Variants in XRCC1 observed in about 807,000 individuals in gnomAD.
XRCC1 encodes the protein X-ray repair cross complementing 1, also known as DNA repair protein XRCC1.
In XRCC1, 52 loss-of-function variants were observed where a neutral mutation model predicts 83.3. The observed-to-expected ratio is 0.62, with a 90% CI of 0.50 to 0.79. The LOEUF (loss-of-function observed/expected upper bound fraction) is 0.79. Among genes scored for constraint, XRCC1 ranks in the 30% least tolerant of loss-of-function variants. The probability of loss-of-function intolerance (pLI) is 0.00; values close to 1 mark genes in which losing one functional copy is unlikely to be tolerated. For synonymous variants in XRCC1, 281 were observed against 312.6 expected (o/e 0.90, Z 1.07); for missense variants, 793 against 823.5 (o/e 0.96, Z 0.45).
At chr19:43,548,780 A>AAAAATAAAAAT (rs1568512434) in intron 10 of XRCC1, among the ~76,000 whole-genome samples, 3 of 144,478 alleles carry the variant, frequency 2.1e-5, no homozygotes, top group African/African-American at 7.5e-5. Context: ...AAAAAAAAAA[A>AAAAATAAAAAT]AAAAAACACA....
chr19:43,550,587 C>A (rs1332869561), intron 10 of XRCC1, among the ~76,000 whole-genome samples: 1 of 152,210 alleles, frequency 6.6e-6, no homozygotes, highest in Non-Finnish European at 1.5e-5. Flanking sequence ...CCAGTCTCCC[C>A]TCCAATTCAT....
intron 4 of XRCC1, 112 bp from the exon 5 acceptor site, chr19:43,553,795 C>A (rs562241514): frequency 3.4e-6 from 3 of 875,518 alleles, no homozygotes; most frequent in African/African-American, 1.7e-5. Flanking sequence ...CTCATGAACA[C>A]CCATGTTGAA....
chr19:43,574,889 G>A, intron 2 of XRCC1, 21 bp downstream of exon 2: 1 of 1,601,250 alleles, frequency 6.2e-7, no homozygotes, highest in Non-Finnish European at 8.6e-7. Context: ...TAGTGAGGAG[G>A]AGGTGGGGTG....
chr19:43,544,344 G>T, intron 14 of XRCC1, 110 bp from the exon 15 acceptor site: 1 of 911,904 alleles, frequency 1.1e-6, no homozygotes, highest in South Asian at 1.6e-5. Flanking sequence ...GTCCACATGT[G>T]GGCAGGGATT....
chr19:43,554,780 T>C lies in XRCC1; in HGVS notation c.280A>G (p.Met94Val). 5.0e-6 allele frequency: 8 copies of C among 1,612,846 alleles called. No homozygotes were observed. Among genetic ancestry groups the C allele is most frequent in the South Asian group, 2.2e-5 (2 of 90,996 alleles). ...CCACTGCGGCTCTCGGAAGGGGACATGAAAGATGAGGTGACCAGAAGGACC... is the reference window on the plus strand; with the variant it reads ...CCACTGCGGCTCTCGGAAGGGGACACGAAAGATGAGGTGACCAGAAGGACC... ...YEVLLVTSSFMSPSESRSGSN... is the reference protein window; with the variant it reads ...YEVLLVTSSFVSPSESRSGSN... Residue 94 changes from methionine to valine, a missense_variant, in exon 4 of 17, where the codon ATG (methionine) becomes GTG (valine). By Grantham distance (21) the Met-to-Val change is conservative. Coordinates refer to ENST00000262887, the MANE Select transcript of XRCC1 (RefSeq NM_006297.3).
rs1336150698 is a variant in XRCC1, at chr19:43,553,446, T to G, written c.556A>C (p.Arg186=). The G allele has an allele frequency of 6.2e-7, 1 of 1,614,160 alleles. No individual in the cohort carries two copies. The highest frequency in any genetic ancestry group is 1.7e-5 in the Admixed American group (1 of 60,032). Reference sequence around the variant, plus strand: ...CGGCTGAAGAAGAGAGCCCCCGGCCTCAGAGAGTTGGCGCTCTCATCCTCC... The same window carrying G: ...CGGCTGAAGAAGAGAGCCCCCGGCCGCAGAGAGTTGGCGCTCTCATCCTCC... ...KEEDESANSL[R]PGALFFSRIN... Residue 186 remains arginine (R), a synonymous_variant, in exon 6 of 17, where the codon AGG becomes CGG. Coordinates refer to ENST00000262887, the MANE Select transcript of XRCC1 (RefSeq NM_006297.3).
intron 2 of XRCC1, 93 bp downstream of exon 2, chr19:43,574,817 G>GTGAC: frequency 9.9e-7 from 1 of 1,014,500 alleles, no homozygotes; most frequent in Admixed American, 1.8e-5. Flanking sequence ...AGCAAAGAAA[G>GTGAC]TGACTAAACC....
intron 14 of XRCC1, 103 bp from the exon 15 acceptor site, chr19:43,544,337 C>G (rs1972487063): frequency 4.1e-6 from 4 of 974,968 alleles, no homozygotes; most frequent in Middle Eastern, 4.3e-4. Flanking sequence ...GAGGGCTGTC[C>G]ACATGTGGGC....
intron 2 of XRCC1, among the ~76,000 whole-genome samples, chr19:43,563,898 C>T (rs1261521459): frequency 6.6e-6 from 1 of 152,196 alleles, no homozygotes; most frequent in Admixed American, 6.5e-5. Context: ...GACTTTTAAG[C>T]TCCACAAGAG....
chr19:43,559,309 C>CCG (rs1972672198), intron 3 of XRCC1, among the ~76,000 whole-genome samples: 1 of 151,300 alleles, frequency 6.6e-6, no homozygotes, highest in Non-Finnish European at 1.5e-5. Flanking sequence ...CAGTGAAACC[C>CCG]TGTCTCTACT....
intron 12 of XRCC1, 115 bp from the exon 13 acceptor site, chr19:43,546,221 A>G: frequency 8.2e-7 from 1 of 1,221,316 alleles, no homozygotes; most frequent in Non-Finnish European, 1.2e-6. Flanking sequence ...ACTGCCCTCC[A>G]GATCCAGTCG....
chr19:43,564,856 G>A (rs369389696), intron 2 of XRCC1, among the ~76,000 whole-genome samples: 1 of 151,934 alleles, frequency 6.6e-6, no homozygotes, highest in African/African-American at 2.4e-5. Context: ...TCTGAAACTC[G>A]GCCTTACAGG....
At position 43,573,981 on chromosome 19, in the gene XRCC1, GT is replaced by G. The variant is rs1033347187; in HGVS notation, c.144+928del. ...GGGATAACAGAGCCTGCCTCTTGGG[GT>G]TTTTTATGAGGACTCAATGAGCTAA... On this transcript the variant is annotated intron_variant, in intron 2 of 16. Coordinates refer to ENST00000262887, the MANE Select transcript of XRCC1 (RefSeq NM_006297.3). 3.9e-4 allele frequency among the ~76,000 whole-genome samples: 60 copies of G among 152,218 alleles called. 1 individual carries two copies. The highest frequency in any genetic ancestry group is 1.6e-3 in the Admixed American group (25 of 15,280).
rs3213336 is a variant in XRCC1 at position 43,558,120 on chromosome 19, C to T, written c.255+2790G>A. ...TCTTGGGATTTTCTGCATAGACAAT[C>T]ATGCCATCTGTGAAAAAAGATAGTT... is the stretch of plus-strand genomic sequence containing the variant. On this transcript the variant is annotated intron_variant, in intron 3 of 16. Coordinates refer to ENST00000262887, the MANE Select transcript of XRCC1 (RefSeq NM_006297.3). Among the ~76,000 whole-genome samples, 1,304 of 152,286 alleles carry T rather than the reference C, an allele frequency of 8.6e-3. 18 individuals carry two copies. Among genetic ancestry groups the T allele is most frequent in the African/African-American group, 0.029 (1,188 of 41,558 alleles).
At position 43,560,951 on chromosome 19, in the gene XRCC1, C is replaced by G. The variant is rs751841215; in HGVS notation, c.214G>C (p.Val72Leu). The G allele has an allele frequency of 1.2e-6, 2 of 1,614,232 alleles. No individual in the cohort carries two copies. Among genetic ancestry groups the G allele is most frequent in the Admixed American group, 3.3e-5 (2 of 60,026 alleles). The stretch of plus-strand genomic sequence containing the variant: ...CCAGCGCCTCCAGCTGAACTGCCCA[C>G]CAGCACCTCCACGAAAGCTGAGCCA... ...NDGSAFVEVL[V>L]GSSAGGAGEQ... Residue 72 changes from valine to leucine, a missense_variant, in exon 3 of 17, where the codon GTG becomes CTG. By Grantham distance (32) the Val-to-Leu change is conservative. Transcript: ENST00000262887.
chr19:43,544,724 G>C (rs1284636540), intron 14 of XRCC1, among the ~76,000 whole-genome samples: 1 of 152,064 alleles, frequency 6.6e-6, no homozygotes, highest in South Asian at 2.1e-4. Flanking sequence ...GCTCAGGCTG[G>C]TCTCAAACTC....
At position 43,551,886 on chromosome 19, in the gene XRCC1, G is replaced by A. The variant is rs1429371977; in HGVS notation, c.1082+131C>T. ...GAGAAGACAAAGGCTACAGAATGCA[G>A]TGAGAAAGAAAGCAAGTGAGAGAGA... On this transcript the variant is annotated intron_variant, in intron 9 of 16. Coordinates refer to ENST00000262887, the MANE Select transcript of XRCC1 (RefSeq NM_006297.3). The A allele has an allele frequency of 2.6e-6, 3 of 1,170,846 alleles. No individual in the cohort carries two copies. In the African/African-American group the frequency reaches 4.6e-5, roughly 18 times the overall value. 72.5% of individuals were successfully genotyped at this position (1,170,846 alleles called of 1,614,324 possible).
chr19:43,552,076 CT>C lies in XRCC1; in HGVS notation c.1022del (p.Lys341ArgfsTer3), dbSNP rs760340105. 45 of 1,613,984 alleles carry C rather than the reference CT, an allele frequency of 2.8e-5. No homozygotes were observed. Among genetic ancestry groups the C allele is most frequent in the Non-Finnish European group, 3.6e-5 (42 of 1,179,994 alleles). On this transcript the variant is annotated frameshift_variant, in exon 9 of 17. Transcript: ENST00000262887. LOFTEE classifies it high-confidence loss of function. ...QNPFRSELRDKALELGAKYRP... is the reference protein window; with the variant it reads ...QNPFRSELRDXALELGAKYRP... The stretch of plus-strand genomic sequence containing the variant: ...GATACTTGGCCCCAAGCTCTAGGGC[CT>C]TATCTCGCAGCTCGGAGCGGAAGGG...
Position 43,566,290 on chromosome 19 carries a change from C to T in XRCC1, c.145-5270G>A, listed in dbSNP as rs192983328. Among the ~76,000 whole-genome samples the T allele has an allele frequency of 6.2e-4, 93 of 150,146 alleles. 1 individual carries two copies. Among genetic ancestry groups the T allele is most frequent in the African/African-American group, 2.2e-3 (90 of 40,812 alleles). On this transcript the variant is annotated intron_variant, in intron 2 of 16. Transcript: ENST00000262887. ...GCTCAGGCCTGTAATCCTAGCACTT[C>T]GGGAGGCAGAGGTTGGCAGATCACA...
Sources: gnomAD v4.1 joint callset for allele counts (sites outside exome capture counted in the v4.1 genomes callset) on GRCh38, gnomAD v4.1.1 for gene constraint, MANE v1.5 for transcripts, NCBI Gene and HGNC (gene_info 2026-07-23, HGNC 2026-07-21) for gene names.